The following GRIK5 variants were observed in gnomAD, a reference collection of about 807,000 sequenced individuals.
GRIK5 encodes the protein glutamate receptor ionotropic, kainate 5.
In GRIK5, 43 loss-of-function variants were observed where a neutral mutation model predicts 97.4. The ratio of observed to expected loss-of-function variants is 0.44; its 90% confidence interval spans 0.35 to 0.57. The LOEUF (loss-of-function observed/expected upper bound fraction) is 0.57. Ranked by LOEUF, GRIK5 falls within the 20% of genes least tolerant of loss-of-function variation. The pLI, the probability that GRIK5 is intolerant of heterozygous loss-of-function variation, is 0.01. For missense variants in GRIK5, 1,015 were observed against 1,382.0 expected (o/e 0.73, Z 4.21); for synonymous variants, 580 against 583.5 (o/e 0.99, Z 0.09).
intron 12 of GRIK5, among the ~76,000 whole-genome samples, chr19:42,023,223 G>A (rs886223537): frequency 2.0e-5 from 3 of 151,886 alleles, no homozygotes; most frequent in Non-Finnish European, 4.4e-5. Flanking sequence ...GCCGGGTACG[G>A]GAGAGATGGC....
At chr19:42,045,562 T>C (rs1320705506) in intron 11 of GRIK5, among the ~76,000 whole-genome samples, 1 of 152,168 alleles carries the variant, frequency 6.6e-6, no homozygotes, top group Non-Finnish European at 1.5e-5. Context: ...CACACAGTAA[T>C]AGAATCTCCT....
chr19:42,047,732 G>A (rs1170454092), intron 11 of GRIK5, among the ~76,000 whole-genome samples: 8 of 152,080 alleles, frequency 5.3e-5, no homozygotes, highest in Non-Finnish European at 8.8e-5. Context: ...CACTTTGGGA[G>A]GCTGAGGCAG....
intron 15 of GRIK5, among the ~76,000 whole-genome samples, chr19:42,010,066 C>CA (rs60561027): frequency 1.7e-4 from 18 of 104,070 alleles, no homozygotes; most frequent in Middle Eastern, 4.7e-3. Flanking sequence ...AACTCCATCT[C>CA]AAAAAAAAAA....
intron 5 of GRIK5, among the ~76,000 whole-genome samples, chr19:42,061,943 C>T (rs558379306): frequency 1.5e-4 from 23 of 152,352 alleles, no homozygotes; most frequent in Admixed American, 7.2e-4. Context: ...ATTTCAGCCA[C>T]TGGGAGTATC....
rs1280059718 is a variant in GRIK5 at position 42,022,719 on chromosome 19, G to C, written c.1474-365C>G. The C allele has an allele frequency of 4.3e-6, 4 of 937,490 alleles. No individual in the cohort carries two copies. The highest frequency in any genetic ancestry group is 5.1e-6 in the Non-Finnish European group (4 of 786,708). The allele number at this position is 937,490 out of a possible 1,614,324, so 58.1% of individuals were successfully genotyped here. On this transcript the variant is annotated intron_variant, in intron 12 of 19. Transcript: ENST00000593562. The surrounding 1 kb of genome is among the most constrained non-coding windows in gnomAD (Gnocchi z 4.2). ...GGTCCTGAAGGGGCTGAGACTGACAGCACTCGAGATAATACAGGCCCGGAC... is the reference window on the plus strand; with the variant it reads ...GGTCCTGAAGGGGCTGAGACTGACACCACTCGAGATAATACAGGCCCGGAC...
chr19:42,021,254 T>G lies in GRIK5; in HGVS notation c.1871+47A>C, dbSNP rs780292493. On this transcript the variant is annotated intron_variant, in intron 15 of 19. Coordinates refer to ENST00000593562, the MANE Select transcript of GRIK5 (RefSeq NM_002088.5). This position sits in a 1 kb window ranked among gnomAD's most constrained non-coding sequence, Gnocchi z 4.2. ...GCCCCAACCCCATCCAGGCCTCAGATGGGTCCCTCCCTCGCCCCGGGCAGA... is the reference window on the plus strand; with the variant it reads ...GCCCCAACCCCATCCAGGCCTCAGAGGGGTCCCTCCCTCGCCCCGGGCAGA... 80 of 1,529,596 alleles carry G rather than the reference T, an allele frequency of 5.2e-5. No homozygotes were observed. Among genetic ancestry groups the G allele is most frequent in the Non-Finnish European group, 7.0e-5 (78 of 1,121,546 alleles). The allele number at this position is 1,529,596 out of a possible 1,614,324, so 94.8% of individuals were successfully genotyped here. A position where few individuals can be genotyped will look rare whatever the true frequency, so the allele number is the denominator to read the frequency against.
rs1444417982 is a variant in GRIK5, at chr19:42,065,898, T to A, written c.-50-78A>T. Reference sequence around the variant, plus strand: ...CCCCTTGGAGGCCTGCTGGATGGGGTGGTCACAGAAGCCTTGGGGACATTG... The same window carrying A: ...CCCCTTGGAGGCCTGCTGGATGGGGAGGTCACAGAAGCCTTGGGGACATTG... On this transcript the variant is annotated intron_variant, in intron 1 of 19. Transcript: ENST00000593562. This position sits in a 1 kb window ranked among gnomAD's most constrained non-coding sequence, Gnocchi z 5.8. 2 of 726,106 alleles carry A rather than the reference T, an allele frequency of 2.8e-6. No homozygotes were observed. Among genetic ancestry groups the A allele is most frequent in the Non-Finnish European group, 4.7e-6 (2 of 425,864 alleles). 45.0% of individuals were successfully genotyped at this position (726,106 alleles called of 1,614,324 possible).
intron 3 of GRIK5, among the ~76,000 whole-genome samples, chr19:42,064,080 A>G (rs969269284): frequency 6.6e-6 from 1 of 151,960 alleles, no homozygotes; most frequent in Non-Finnish European, 1.5e-5. Context: ...TTTGTCCTCA[A>G]ATTTCTCACA....
At chr19:42,068,694 A>C (rs2146198921) in intron 1 of GRIK5, 1 of 445,560 alleles carries the variant, frequency 2.2e-6, no homozygotes, top group African/African-American at 2.0e-5. Context: ...TGACAGAGAG[A>C]GGGATCTAAA....
In GRIK5 at chr19:42,065,634, G is replaced by A; in HGVS notation, c.79+58C>T. 1 of 1,383,424 alleles carries A rather than the reference G, an allele frequency of 7.2e-7. No homozygotes were observed. The highest frequency in any genetic ancestry group is 1.4e-5 in the South Asian group (1 of 73,738). The allele number at this position is 1,383,424 out of a possible 1,614,324, so 85.7% of individuals were successfully genotyped here. ...GACCCTGACGGACTGGCATGCCTGG[G>A]TCCCCAGAGGAGCCCCAGGGCCTGA... On this transcript the variant is annotated intron_variant, in intron 2 of 19. Transcript: ENST00000593562. This position sits in a 1 kb window ranked among gnomAD's most constrained non-coding sequence, Gnocchi z 5.8.
intron 3 of GRIK5, among the ~76,000 whole-genome samples, chr19:42,063,127 CA>C (rs2076283416): frequency 6.6e-6 from 1 of 152,170 alleles, no homozygotes; most frequent in Non-Finnish European, 1.5e-5. Flanking sequence ...AAAGAGACAC[CA>C]GGGGCCTCCT....
chr19:42,040,808 T>C (rs949121677), intron 12 of GRIK5, among the ~76,000 whole-genome samples: 9 of 151,580 alleles, frequency 5.9e-5, no homozygotes, highest in African/African-American at 2.2e-4. Context: ...GAGGCAGAGG[T>C]TGCTGTGAGC....
At position 42,062,594 on chromosome 19, in the gene GRIK5, C is replaced by A; in HGVS notation, c.402G>T (p.Ala134=). The change falls in exon 5 of 20, where the codon GCG becomes GCT. Residue 134 remains alanine (A), a synonymous_variant. Coordinates refer to ENST00000593562, the MANE Select transcript of GRIK5 (RefSeq NM_002088.5). This position sits in a 1 kb window ranked among gnomAD's most constrained non-coding sequence, Gnocchi z 5.3. ...CGTTACTGGGGTACAGGCTGACAGA[C>A]GCGAAGCGAAGGTACTGAAGGCGGG... is the stretch of plus-strand genomic sequence containing the variant. ...ETPRLQYLRF[A]SVSLYPSNED... 2 of 1,614,184 alleles carry A rather than the reference C, an allele frequency of 1.2e-6. No individual in the cohort carries two copies. The highest frequency in any genetic ancestry group is 1.7e-6 in the Non-Finnish European group (2 of 1,180,026).
rs892280419 is a variant in GRIK5 at position 42,022,830 on chromosome 19, C to A, written c.1474-476G>T. Among the ~76,000 whole-genome samples, 2 of 151,724 alleles carry A rather than the reference C, an allele frequency of 1.3e-5. No individual in the cohort carries two copies. The highest frequency in any genetic ancestry group is 4.8e-5 in the African/African-American group (2 of 41,264). On this transcript the variant is annotated intron_variant, in intron 12 of 19. Transcript: ENST00000593562. The surrounding 1 kb of genome is among the most constrained non-coding windows in gnomAD (Gnocchi z 4.2). ...GGTGCAGGTCAGCATGTGCCCACAG[C>A]CAGTGGAGACATAACCCAGGCCCCG...
rs537846577 is a variant in GRIK5, at chr19:42,021,675, A to C, written c.1698-201T>G. On this transcript the variant is annotated intron_variant, in intron 14 of 19. Coordinates refer to ENST00000593562, the MANE Select transcript of GRIK5 (RefSeq NM_002088.5). The surrounding 1 kb of genome is among the most constrained non-coding windows in gnomAD (Gnocchi z 4.2). ...AAGAGGCAGAGAGAGACACAGAGAT[A>C]CTCAGAGAGAAATAGAGAAGGGAGG... Among the ~76,000 whole-genome samples, 2 of 152,232 alleles carry C rather than the reference A, an allele frequency of 1.3e-5. No homozygotes were observed. Among genetic ancestry groups the C allele is most frequent in the South Asian group, 4.1e-4 (2 of 4,828 alleles).
Position 42,065,866 on chromosome 19 carries a change from G to T in GRIK5, c.-50-46C>A. The T allele has an allele frequency of 9.8e-7, 1 of 1,022,754 alleles. No individual in the cohort carries two copies. The allele number at this position is 1,022,754 out of a possible 1,614,324, so 63.4% of individuals were successfully genotyped here. On this transcript the variant is annotated intron_variant, in intron 1 of 19. Transcript: ENST00000593562. This position sits in a 1 kb window ranked among gnomAD's most constrained non-coding sequence, Gnocchi z 5.8. ...CCAAGGGGAGATTACTATGTGGTGG[G>T]ATGGAACCCCTTGGAGGCCTGCTGG...
chr19:42,026,826 C>G (rs947694194), intron 12 of GRIK5, among the ~76,000 whole-genome samples: 82 of 152,184 alleles, frequency 5.4e-4, no homozygotes, highest in African/African-American at 2.0e-3. Flanking sequence ...CCTCAGCCTC[C>G]CAAAGTGCTG....
At chr19:42,054,586 G>C in intron 8 of GRIK5, 114 bp from the exon 9 acceptor site, 6 of 1,235,038 alleles carry the variant, frequency 4.9e-6, no homozygotes, top group Non-Finnish European at 6.8e-6. Context: ...CTCTCCCCAG[G>C]AATGGGAAAC....
Position 42,042,915 on chromosome 19 carries a change from G to A in GRIK5, c.1270-160C>T. The A allele has an allele frequency of 3.2e-6, 2 of 626,094 alleles. No individual in the cohort carries two copies. Among genetic ancestry groups the A allele is most frequent in the South Asian group, 3.9e-5 (2 of 50,980 alleles). The allele number at this position is 626,094 out of a possible 1,614,324, so 38.8% of individuals were successfully genotyped here. Reference sequence around the variant, plus strand: ...TCTCACTTACAAATGCTCAGAGTGGGGAATAGACCTGAAAGCCAGGGAAAA... The same window carrying A: ...TCTCACTTACAAATGCTCAGAGTGGAGAATAGACCTGAAAGCCAGGGAAAA... On this transcript the variant is annotated intron_variant, in intron 11 of 19. Transcript: ENST00000593562. The surrounding 1 kb of genome is among the most constrained non-coding windows in gnomAD (Gnocchi z 6.9).
Sources: allele counts gnomAD v4.1 joint callset (sites outside exome capture counted in the v4.1 genomes callset), GRCh38; gene constraint gnomAD v4.1.1; non-coding constraint Gnocchi (gnomAD v3.1); transcripts MANE v1.5; gene names NCBI Gene and HGNC (gene_info 2026-07-23, HGNC 2026-07-21).